FAM120C: variants seen among roughly 807,000 people sequenced by gnomAD.
The protein encoded by FAM120C is family with sequence similarity 120 member C, also known as constitutive coactivator of PPAR-gamma-like protein 2.
In FAM120C, 14 loss-of-function variants were observed where a neutral mutation model predicts 71.2. The ratio of observed to expected loss-of-function variants is 0.20; its 90% CI spans 0.13 to 0.31. The LOEUF is 0.31. Ranked by LOEUF, FAM120C falls within the 10% of genes least tolerant of loss-of-function variation. The pLI, the probability that FAM120C is intolerant of heterozygous loss-of-function variation, is 1.00. For missense variants in FAM120C, 500 were observed against 879.0 expected (o/e 0.57, Z 5.45); for synonymous variants, 354 against 353.2 (o/e 1.00, Z -0.03).
chrX:54,082,858 C>T (rs917962516), intron 13 of FAM120C, among the ~76,000 whole-genome samples: 4 of 110,036 alleles, frequency 3.6e-5, no homozygotes, highest in Non-Finnish European at 5.7e-5. Flanking sequence ...TAGCTCACAC[C>T]TGTTATCCCA....
At chrX:54,144,988 A>G (rs1164516597) in intron 4 of FAM120C, among the ~76,000 whole-genome samples, 1 of 111,712 alleles carries the variant, frequency 9.0e-6, no homozygotes, top group African/African-American at 3.3e-5. Flanking sequence ...ATGGAACAGA[A>G]CAGAGCCCTC....
At chrX:54,075,988 C>T (rs188215008) in intron 15 of FAM120C, among the ~76,000 whole-genome samples, 162 of 108,839 alleles carry the variant, frequency 1.5e-3, no homozygotes, top group African/African-American at 5.0e-3. Context: ...TGGTGGGCAC[C>T]TGTAATCCCA....
chrX:54,077,979 T>C (rs1304078958), intron 15 of FAM120C, among the ~76,000 whole-genome samples: 2 of 89,480 alleles, frequency 2.2e-5, no homozygotes, highest in African/African-American at 8.1e-5. Context: ...AGTCTCGCTC[T>C]GTCGCCCAGG....
chrX:54,145,634 G>A (rs1305982196), intron 4 of FAM120C, among the ~76,000 whole-genome samples: 10 of 111,869 alleles, frequency 8.9e-5, no homozygotes, highest in Non-Finnish European at 1.5e-4. Flanking sequence ...TTAGAATGGC[G>A]ATCATTAAAA....
chrX:54,085,112 G>A (rs1350258417), intron 13 of FAM120C, among the ~76,000 whole-genome samples: 1 of 112,020 alleles, frequency 8.9e-6, no homozygotes, highest in Non-Finnish European at 1.9e-5. Context: ...TAACCATGAA[G>A]AGCCAGTCCA....
chrX:54,128,360 A>G (rs1292075278), intron 9 of FAM120C, among the ~76,000 whole-genome samples: 1 of 112,583 alleles, frequency 8.9e-6, no homozygotes, highest in Non-Finnish European at 1.9e-5. Flanking sequence ...CACCCAGCTC[A>G]CTGTGGTTTT....
Position 54,091,414 on chromosome X carries a change from C to G in FAM120C, c.2325G>C (p.Gln775His). The stretch of plus-strand genomic sequence containing the variant: ...GATGCAGGATTCGGCCACCAGGCCA[C>G]TGAACCATGTACCTAGAAAATAAAA... The part of the protein sequence containing the change: ...LMCCVLRYMV[Q>H]WPGGRILHRH... Residue 775 changes from glutamine to histidine, a missense_variant, in exon 11 of 16, where the codon CAG becomes CAC. Gln to His is a conservative substitution (Grantham distance 24). Coordinates refer to ENST00000375180, the MANE Select transcript of FAM120C (RefSeq NM_017848.6). The G allele has an allele frequency of 8.3e-7, 1 of 1,200,985 alleles. No individual in the cohort carries two copies. The highest frequency in any genetic ancestry group is 1.1e-6 in the Non-Finnish European group (1 of 886,346).
At chrX:54,140,626 A>G (rs1345490804) in intron 4 of FAM120C, among the ~76,000 whole-genome samples, 1 of 105,977 alleles carries the variant, frequency 9.4e-6, no homozygotes, top group African/African-American at 3.4e-5. Context: ...GTCTCAAAGA[A>G]AAAAAAAAAA....
intron 4 of FAM120C, among the ~76,000 whole-genome samples, chrX:54,138,669 A>T (rs1030989163): frequency 7.3e-5 from 8 of 110,164 alleles, no homozygotes; most frequent in African/African-American, 2.6e-4. Context: ...TACTAAAAAT[A>T]CAAAAATTAG....
At chrX:54,151,792 T>C (rs782621585) in intron 3 of FAM120C, among the ~76,000 whole-genome samples, 2 of 111,268 alleles carry the variant, frequency 1.8e-5, no homozygotes, top group Non-Finnish European at 3.8e-5. Flanking sequence ...ACCAAGAAAT[T>C]AGCATTAATT....
chrX:54,167,015 T>C (rs1418810866), intron 1 of FAM120C, among the ~76,000 whole-genome samples: 5 of 111,596 alleles, frequency 4.5e-5, no homozygotes. Context: ...GTCCTTTTAC[T>C]CTCATTCCTT....
chrX:54,132,232 T>C (rs1557129511), intron 9 of FAM120C, among the ~76,000 whole-genome samples: 2 of 110,571 alleles, frequency 1.8e-5, no homozygotes, highest in Non-Finnish European at 1.9e-5. Flanking sequence ...TTTCAATTTT[T>C]AGTAGAGATG....
At chrX:54,137,777 A>G (rs1325038479) in intron 4 of FAM120C, among the ~76,000 whole-genome samples, 1 of 112,106 alleles carries the variant, frequency 8.9e-6, no homozygotes, top group Non-Finnish European at 1.9e-5. Flanking sequence ...CAAAATGGCT[A>G]AAGTAAAAGA....
chrX:54,093,405 A>G (rs1430121561), intron 10 of FAM120C, among the ~76,000 whole-genome samples: 1 of 112,010 alleles, frequency 8.9e-6, no homozygotes, highest in Admixed American at 9.6e-5. Flanking sequence ...CAGTGACTAA[A>G]TTTACCTTGG....
chrX:54,132,626 T>C, intron 9 of FAM120C, 66 bp downstream of exon 9: 1 of 962,489 alleles, frequency 1.0e-6, no homozygotes, highest in Non-Finnish European at 1.4e-6. Flanking sequence ...GTACCCAATG[T>C]GCCTGGACAG....
intron 3 of FAM120C, among the ~76,000 whole-genome samples, chrX:54,156,922 G>A (rs2067212854): frequency 9.5e-6 from 1 of 104,804 alleles, no homozygotes; most frequent in South Asian, 4.4e-4. Flanking sequence ...AGCCAGGCCT[G>A]TAATCCCAGC....
intron 1 of FAM120C, among the ~76,000 whole-genome samples, chrX:54,180,291 C>CAGATAG (rs2067341282): frequency 8.9e-6 from 1 of 112,505 alleles, no homozygotes; most frequent in Admixed American, 9.4e-5. Context: ...CTACAGCCCT[C>CAGATAG]TTCATGGCTT....
At chrX:54,081,189 G>GA (rs782486819) in intron 14 of FAM120C, 133 bp downstream of exon 14, 3 of 624,745 alleles carry the variant, frequency 4.8e-6, no homozygotes, top group East Asian at 4.0e-5. Context: ...GAGAAAGAAA[G>GA]AAAAAAAGAA....
intron 9 of FAM120C, among the ~76,000 whole-genome samples, chrX:54,129,237 G>A (rs1348218421): frequency 7.5e-5 from 8 of 107,124 alleles, no homozygotes; most frequent in Admixed American, 5.9e-4. Flanking sequence ...GGTGGCTGCC[G>A]GGCGGAGGGG....
Sources: allele counts gnomAD v4.1 joint callset (sites outside exome capture counted in the v4.1 genomes callset), GRCh38; gene constraint gnomAD v4.1.1; transcripts MANE v1.5; gene names NCBI Gene and HGNC (gene_info 2026-07-23, HGNC 2026-07-21).